Variants in SLC35F4 observed in about 807,000 individuals in gnomAD.
The protein encoded by SLC35F4 is solute carrier family 35 member F4, also known as chromosome 14 open reading frame 36.
SLC35F4 carries 24 observed loss-of-function variants against 44.2 expected under a neutral mutation model. The ratio of observed to expected loss-of-function variants is 0.54; its 90% CI spans 0.39 to 0.76. The LOEUF is 0.76. Ranked by LOEUF, SLC35F4 falls within the 30% of genes least tolerant of loss-of-function variation. SLC35F4 has a pLI of 0.00. For missense variants in SLC35F4, 562 were observed against 586.1 expected, an observed-to-expected ratio of 0.96 and a Z score of 0.42; for synonymous variants, 238 against 223.6, an observed-to-expected ratio of 1.06 and a Z score of -0.57.
chr14:57,917,945 AT>A (rs1226158405), intron 1 of SLC35F4, among the ~76,000 whole-genome samples: 1 of 152,144 alleles, frequency 6.6e-6, no homozygotes, highest in Non-Finnish European at 1.5e-5. Flanking sequence ...CTGTGACAGG[AT>A]GGCTAGAAGG....
chr14:57,590,888 A>T lies in SLC35F4; in HGVS notation c.290-1375T>A, dbSNP rs536995800. Among the ~76,000 whole-genome samples, 110 of 152,332 alleles carry T rather than the reference A, an allele frequency of 7.2e-4. 2 individuals are homozygous for T. The highest frequency in any genetic ancestry group is 1.5e-3 in the Non-Finnish European group (101 of 68,020). On this transcript the variant is annotated intron_variant, in intron 2 of 7. Transcript: ENST00000556826. ...CTGAATGTGTTCCTACTGCTTAATG[A>T]GCCAGGTGTGGCTGCCCCACTGTGT...
intron 1 of SLC35F4, among the ~76,000 whole-genome samples, chr14:57,742,938 A>G (rs1044351295): frequency 2.6e-5 from 4 of 152,224 alleles, no homozygotes; most frequent in African/African-American, 9.6e-5. Context: ...CCGTTCAACT[A>G]TATGGAATGT....
At chr14:57,943,683 C>T (rs147376550) in intron 1 of SLC35F4, among the ~76,000 whole-genome samples, 8 of 152,204 alleles carry the variant, frequency 5.3e-5, no homozygotes, top group Non-Finnish European at 1.2e-4. Context: ...GATGTCTGCA[C>T]GGATCATGGA....
At chr14:57,619,947 T>G (rs2072081371) in intron 1 of SLC35F4, among the ~76,000 whole-genome samples, 1 of 151,394 alleles carries the variant, frequency 6.6e-6, no homozygotes, top group African/African-American at 2.4e-5. Context: ...TATCAGAGAC[T>G]GAAGATCAAC....
chr14:57,608,013 T>C (rs1454332289), intron 1 of SLC35F4, among the ~76,000 whole-genome samples: 2 of 152,056 alleles, frequency 1.3e-5, no homozygotes, highest in Non-Finnish European at 2.9e-5. Flanking sequence ...GTGGGAAGGG[T>C]AATGAATGCA....
Position 57,609,402 on chromosome 14 carries a change from T to C in SLC35F4, c.104-15278A>G, listed in dbSNP as rs11624444. On this transcript the variant is annotated intron_variant, in intron 1 of 7. Coordinates refer to ENST00000556826, the MANE Select transcript of SLC35F4 (RefSeq NM_001306087.2). ...TATCACCTCTCTGCTTCCATGATTG[T>C]TGCAAATGTTTAATCACAATCCTCA... Among the ~76,000 whole-genome samples the C allele has an allele frequency of 3.1e-3, 478 of 152,326 alleles. 3 individuals are homozygous for C. Among genetic ancestry groups the C allele is most frequent in the Non-Finnish European group, 5.4e-3 (369 of 68,040 alleles).
chr14:57,569,879 T>A lies in SLC35F4; in HGVS notation c.1035A>T (p.Pro345=), dbSNP rs767035142. The A allele has an allele frequency of 1.2e-6, 2 of 1,612,180 alleles. No homozygotes were observed. The highest frequency in any genetic ancestry group is 1.7e-6 in the Non-Finnish European group (2 of 1,179,234). The change falls in exon 6 of 8, where the codon CCA becomes CCT. Residue 345 remains proline, a synonymous_variant. Transcript: ENST00000556826. ...CCACCTTGGTGAAATACAAGATGAC[T>A]GGGGTGAAGGAGATGAAGATCAAAT... ...FFNLIFISFT[P]VILYFTKVEH...
intron 1 of SLC35F4, among the ~76,000 whole-genome samples, chr14:57,863,917 T>A (rs1050296943): frequency 1.3e-5 from 2 of 152,230 alleles, no homozygotes; most frequent in African/African-American, 4.8e-5. Flanking sequence ...TGGCTACCAG[T>A]TATAGCCTTG....
intron 1 of SLC35F4, among the ~76,000 whole-genome samples, chr14:57,622,534 T>C (rs1285465516): frequency 3.3e-5 from 5 of 150,272 alleles, no homozygotes; most frequent in East Asian, 1.9e-4. Flanking sequence ...ATGGATGAAA[T>C]TGGAAATCAT....
At chr14:57,691,050 G>A (rs2075218511) in intron 1 of SLC35F4, among the ~76,000 whole-genome samples, 1 of 152,152 alleles carries the variant, frequency 6.6e-6, no homozygotes, top group African/African-American at 2.4e-5. Context: ...GCCCTAGACT[G>A]TGACCTACAA....
At chr14:57,822,697 A>G (rs549282883) in intron 1 of SLC35F4, among the ~76,000 whole-genome samples, 1 of 152,346 alleles carries the variant, frequency 6.6e-6, no homozygotes, top group East Asian at 1.9e-4. Context: ...ATAATGTCCA[A>G]GGGGTCTCTC....
chr14:57,851,556 G>A (rs971382982), intron 1 of SLC35F4, among the ~76,000 whole-genome samples: 2 of 152,142 alleles, frequency 1.3e-5, no homozygotes, highest in East Asian at 1.9e-4. Flanking sequence ...TAGTCACCTT[G>A]AAAACTAGCA....
chr14:57,653,000 T>A (rs2073840600), intron 1 of SLC35F4, among the ~76,000 whole-genome samples: 2 of 152,216 alleles, frequency 1.3e-5, no homozygotes, highest in East Asian at 1.9e-4. Flanking sequence ...CCATCAGGCA[T>A]CTCTCTCCAC....
At chr14:57,750,810 G>C (rs769144282) in intron 1 of SLC35F4, among the ~76,000 whole-genome samples, 14 of 152,248 alleles carry the variant, frequency 9.2e-5, no homozygotes, top group Non-Finnish European at 1.5e-4. Flanking sequence ...CTGATGAATA[G>C]TTTCAAATAT....
In SLC35F4 at chr14:57,588,098, C is replaced by T. The variant is rs533844498; in HGVS notation, c.587+1118G>A. ...CTACTCAAGAGGCTGAGGAAAGAGG[C>T]GAAGGTTGTAGTGAGCTGAGATCGT... On this transcript the variant is annotated intron_variant, in intron 3 of 7. Transcript: ENST00000556826. 2.0e-5 allele frequency among the ~76,000 whole-genome samples: 3 copies of T among 152,154 alleles called. No homozygotes were observed. In the South Asian group the frequency reaches 6.2e-4, roughly 32 times the overall value.
chr14:57,858,424 G>C (rs182712791), intron 1 of SLC35F4, among the ~76,000 whole-genome samples: 2 of 151,912 alleles, frequency 1.3e-5, no homozygotes, highest in Admixed American at 1.3e-4. Context: ...GCAAACTATC[G>C]CAAGGACAAA....
chr14:57,919,829 T>C (rs1889406408), intron 1 of SLC35F4, among the ~76,000 whole-genome samples: 1 of 152,192 alleles, frequency 6.6e-6, no homozygotes, highest in Admixed American at 6.5e-5. Context: ...TTTCTGAAGA[T>C]GGAGAGCAAT....
intron 1 of SLC35F4, among the ~76,000 whole-genome samples, chr14:57,863,518 A>C (rs944406272): frequency 3.3e-5 from 5 of 152,218 alleles, no homozygotes; most frequent in Admixed American, 2.6e-4. Flanking sequence ...TTATATATTC[A>C]TCACTGTAGC....
chr14:57,755,017 G>T (rs912227233), intron 1 of SLC35F4, among the ~76,000 whole-genome samples: 2 of 152,224 alleles, frequency 1.3e-5, no homozygotes, highest in African/African-American at 2.4e-5. Context: ...GCCCAGCAAT[G>T]TAAACTTCGT....
Sources: gnomAD v4.1 joint callset for allele counts (sites outside exome capture counted in the v4.1 genomes callset) on GRCh38, gnomAD v4.1.1 for gene constraint, MANE v1.5 for transcripts, NCBI Gene and HGNC (gene_info 2026-07-23, HGNC 2026-07-21) for gene names.